SLC24A4: variants seen among roughly 807,000 people sequenced by gnomAD.
The protein encoded by SLC24A4 is sodium/potassium/calcium exchanger 4.
Under a neutral mutation model 79.0 loss-of-function variants are expected in SLC24A4, and 53 were observed. The ratio of observed to expected loss-of-function variants is 0.67; its 90% confidence interval spans 0.54 to 0.84. SLC24A4 has a LOEUF of 0.84. Ranked by LOEUF, SLC24A4 falls within the 40% of genes least tolerant of loss-of-function variation. The pLI is 0.00. For missense variants in SLC24A4, 731 were observed against 822.0 expected, an observed-to-expected ratio of 0.89 and a Z score of 1.35; for synonymous variants, 323 against 323.8, an observed-to-expected ratio of 1.00 and a Z score of 0.03.
intron 9 of SLC24A4, among the ~76,000 whole-genome samples, chr14:92,448,385 C>T (rs1892932804): frequency 1.3e-5 from 2 of 151,500 alleles, no homozygotes; most frequent in South Asian, 2.1e-4. Context: ...CACACAAATC[C>T]CTACTCATGA....
intron 2 of SLC24A4, among the ~76,000 whole-genome samples, chr14:92,397,942 G>A (rs185556164): frequency 6.6e-6 from 1 of 152,136 alleles, no homozygotes; most frequent in Non-Finnish European, 1.5e-5. Flanking sequence ...ACATGGGTCC[G>A]CAGGAGCCTA....
chr14:92,376,128 A>G (rs1405069405), intron 2 of SLC24A4, among the ~76,000 whole-genome samples: 4 of 135,452 alleles, frequency 3.0e-5, no homozygotes, highest in Admixed American at 6.9e-5. Context: ...GCGTGTTCCA[A>G]CGGCCATATG....
At chr14:92,463,090 A>C (rs1893906002) in intron 12 of SLC24A4, among the ~76,000 whole-genome samples, 1 of 152,178 alleles carries the variant, frequency 6.6e-6, no homozygotes, top group Admixed American at 6.5e-5. Flanking sequence ...TGCTGTCTTC[A>C]GGGCTTGGAT....
At chr14:92,400,437 C>CAAAAAA (rs35343108) in intron 2 of SLC24A4, among the ~76,000 whole-genome samples, 1 of 79,478 alleles carries the variant, frequency 1.3e-5, no homozygotes, top group Non-Finnish European at 2.5e-5. Flanking sequence ...GACTCCATCT[C>CAAAAAA]AAAAAAAAAA....
At chr14:92,455,247 C>T (rs1180346985) in intron 11 of SLC24A4, among the ~76,000 whole-genome samples, 1 of 152,164 alleles carries the variant, frequency 6.6e-6, no homozygotes, top group Non-Finnish European at 1.5e-5. Context: ...AGGATGCTTT[C>T]AGCTCTAAAA....
intron 2 of SLC24A4, chr14:92,408,305 T>G: frequency 1.3e-6 from 1 of 744,746 alleles, no homozygotes; most frequent in Non-Finnish European, 1.6e-6. Flanking sequence ...GTGGCTAAAT[T>G]GAGTCTTCTG....
chr14:92,467,977 G>T (rs1027427211), intron 12 of SLC24A4, among the ~76,000 whole-genome samples: 3 of 152,180 alleles, frequency 2.0e-5, no homozygotes, highest in Non-Finnish European at 4.4e-5. Flanking sequence ...GAGAGAGGAA[G>T]CAGTAAAACT....
chr14:92,443,501 C>G, intron 7 of SLC24A4, 27 bp downstream of exon 7: 1 of 1,613,016 alleles, frequency 6.2e-7, no homozygotes. Flanking sequence ...CCCCCAAGGT[C>G]AGGTTGGCTG....
At chr14:92,436,426 C>T (rs1025098799) in intron 3 of SLC24A4, among the ~76,000 whole-genome samples, 3 of 148,936 alleles carry the variant, frequency 2.0e-5, no homozygotes, top group African/African-American at 7.4e-5. Context: ...ATTATCACCC[C>T]CATACCACCA....
intron 2 of SLC24A4, among the ~76,000 whole-genome samples, chr14:92,400,353 T>G (rs926471298): frequency 1.8e-4 from 27 of 149,584 alleles, no homozygotes; most frequent in African/African-American, 6.4e-4. Flanking sequence ...GCAGGAGAAT[T>G]GCTTCAACAT....
At chr14:92,410,597 C>T (rs1333794397) in intron 2 of SLC24A4, among the ~76,000 whole-genome samples, 2 of 152,202 alleles carry the variant, frequency 1.3e-5, no homozygotes, top group Non-Finnish European at 2.9e-5. Context: ...ACTGAGCCCT[C>T]ACTGTGTGCC....
At chr14:92,459,214 C>T (rs35386778) in intron 12 of SLC24A4, among the ~76,000 whole-genome samples, 54,244 of 152,098 alleles carry the variant, frequency 0.36, 10,112 homozygotes, top group African/African-American at 0.44. Context: ...TCCTTAAGCC[C>T]AGAGTTTGAC....
In SLC24A4 at chr14:92,398,098, G is replaced by A. The variant is rs1889883987; in HGVS notation, c.242-35814G>A. Among the ~76,000 whole-genome samples the A allele has an allele frequency of 6.6e-6, 1 of 152,188 alleles. No homozygotes were observed. Among genetic ancestry groups the A allele is most frequent in the Non-Finnish European group, 1.5e-5 (1 of 68,038 alleles). On this transcript the variant is annotated intron_variant, in intron 2 of 16. Coordinates refer to ENST00000532405, the MANE Select transcript of SLC24A4 (RefSeq NM_153646.4). This position sits in a 1 kb window ranked among gnomAD's most constrained non-coding sequence, Gnocchi z 4.1. ...GGCCATTGGGCAGTGAGGATCTGGG[G>A]CCGTGGCTGCCATCCCTTTAGGTCC...
At chr14:92,464,794 C>T (rs1269163590) in intron 12 of SLC24A4, among the ~76,000 whole-genome samples, 9 of 152,328 alleles carry the variant, frequency 5.9e-5, no homozygotes, top group Middle Eastern at 3.4e-3. Context: ...CTTACACGGG[C>T]GTTGTAGTGA....
In SLC24A4 at chr14:92,449,184, A is replaced by G. The variant is rs1280897023; in HGVS notation, c.848A>G (p.Tyr283Cys). The G allele has an allele frequency of 6.2e-7, 1 of 1,614,186 alleles. No homozygotes were observed. The change falls in exon 10 of 17, where the codon TAT (tyrosine) becomes TGT (cysteine). Residue 283 changes from tyrosine (Y) to cysteine (C), a missense_variant. Physicochemically the swap from Tyr to Cys is radical, Grantham distance 194. Transcript: ENST00000532405. The stretch of plus-strand genomic sequence containing the variant: ...GGTAATGATTTCTATGACGGTAGCT[A>G]TGATGACCCTTCCGTGCCATTGCTG... ...EAGNDFYDGS[Y>C]DDPSVPLLGQ...
In SLC24A4 at chr14:92,423,230, C is replaced by G. The variant is rs186070874; in HGVS notation, c.242-10682C>G. ...CACGATCTCGGCTCACTGCAATCTCCGCCTCCCGGGTTCAAGCAATTCTCC... is the reference window on the plus strand; with the variant it reads ...CACGATCTCGGCTCACTGCAATCTCGGCCTCCCGGGTTCAAGCAATTCTCC... On this transcript the variant is annotated intron_variant, in intron 2 of 16. Coordinates refer to ENST00000532405, the MANE Select transcript of SLC24A4 (RefSeq NM_153646.4). 4.6e-5 allele frequency among the ~76,000 whole-genome samples: 7 copies of G among 152,262 alleles called. No individual in the cohort carries two copies. In the East Asian group the frequency reaches 1.4e-3, roughly 29 times the overall value.
chr14:92,358,982 G>A (rs967976596), intron 2 of SLC24A4, among the ~76,000 whole-genome samples: 1 of 151,886 alleles, frequency 6.6e-6, no homozygotes, highest in African/African-American at 2.4e-5. Context: ...CACCACGCCC[G>A]GCCAAATCTA....
chr14:92,380,037 G>A (rs1005204106), intron 2 of SLC24A4, among the ~76,000 whole-genome samples: 9 of 152,198 alleles, frequency 5.9e-5, no homozygotes, highest in African/African-American at 2.2e-4. Context: ...ATCCTCCAGG[G>A]CAGGGTTTCA....
At position 92,499,147 on chromosome 14, in the gene SLC24A4, GC is replaced by G. The variant is rs1896045250; in HGVS notation, c.*5521del. ...CCTCAAACATTCACAAGCACACACT[GC>G]CAGGGGCACGGGTTGTCTTTCACCT... On this transcript the variant is annotated 3_prime_UTR_variant, in exon 17 of 17. Coordinates refer to ENST00000532405, the MANE Select transcript of SLC24A4 (RefSeq NM_153646.4). 2.0e-5 allele frequency: 3 copies of G among 152,202 alleles called. No individual in the cohort carries two copies. The highest frequency in any genetic ancestry group is 4.4e-5 in the Non-Finnish European group (3 of 68,042). 9.4% of individuals were successfully genotyped at this position (152,202 alleles called of 1,614,324 possible). A position where few individuals can be genotyped will look rare whatever the true frequency, so the allele number is the denominator to read the frequency against.
Sources: gnomAD v4.1 joint callset for allele counts (sites outside exome capture counted in the v4.1 genomes callset) on GRCh38, gnomAD v4.1.1 for gene constraint, Gnocchi (gnomAD v3.1) non-coding constraint, MANE v1.5 for transcripts, NCBI Gene and HGNC (gene_info 2026-07-23, HGNC 2026-07-21) for gene names.